TENM3: variants seen among roughly 807,000 people sequenced by gnomAD.
The protein encoded by TENM3 is teneurin transmembrane protein 3.
A neutral mutation model predicts 255.1 loss-of-function variants in TENM3; 63 were observed. The ratio of observed to expected loss-of-function variants is 0.25; its 90% confidence interval spans 0.20 to 0.30. The LOEUF (loss-of-function observed/expected upper bound fraction) is 0.30. Ranked by LOEUF, TENM3 falls within the 10% of genes least tolerant of loss-of-function variation. The pLI is 1.00. For synonymous variants in TENM3, 1,306 were observed against 1,322.3 expected (o/e 0.99, Z 0.27); for missense variants, 2,929 against 3,461.1 (o/e 0.85, Z 3.86).
intron 3 of TENM3, among the ~76,000 whole-genome samples, chr4:182,382,280 T>C (rs1421629715): frequency 6.6e-6 from 1 of 152,102 alleles, no homozygotes; most frequent in African/African-American, 2.4e-5. Flanking sequence ...GTGTCAGTAA[T>C]TTCTCTTGAT....
chr4:182,009,400 A>T, the TENM3 span, among the ~76,000 whole-genome samples: 1 of 151,650 alleles, frequency 6.6e-6, no homozygotes, highest in African/African-American at 2.4e-5. Context: ...GGGACATCCG[A>T]ATTCTGTCCC....
chr4:181,503,677 A>G, the TENM3 span, among the ~76,000 whole-genome samples: 2 of 152,120 alleles, frequency 1.3e-5, no homozygotes, highest in Middle Eastern at 3.2e-3. Context: ...CTAGTTCTCT[A>G]CCTGCTTTTA....
At chr4:181,553,925 G>A in the TENM3 span, among the ~76,000 whole-genome samples, 5 of 152,180 alleles carry the variant, frequency 3.3e-5, no homozygotes, top group East Asian at 9.7e-4. Context: ...CGCTCTCTGA[G>A]TTGACTACTT....
chr4:181,983,459 G>T, the TENM3 span, among the ~76,000 whole-genome samples: 1 of 152,192 alleles, frequency 6.6e-6, no homozygotes, highest in South Asian at 2.1e-4. Context: ...CACCTCTCAA[G>T]TGGTTATATT....
chr4:181,926,856 G>C, the TENM3 span, among the ~76,000 whole-genome samples: 1 of 151,730 alleles, frequency 6.6e-6, no homozygotes, highest in Non-Finnish European at 1.5e-5. Context: ...TGCAGACCAC[G>C]GAAGGCAAGC....
At chr4:182,203,526 T>C (rs991920079) in intron 1 of TENM3, among the ~76,000 whole-genome samples, 5 of 152,202 alleles carry the variant, frequency 3.3e-5, no homozygotes, top group African/African-American at 1.2e-4. Flanking sequence ...CAAAGGCAGT[T>C]GGGAGACTTG....
At chr4:182,230,265 C>A (rs1579815640) in intron 1 of TENM3, among the ~76,000 whole-genome samples, 1 of 152,182 alleles carries the variant, frequency 6.6e-6, no homozygotes, top group Non-Finnish European at 1.5e-5. Flanking sequence ...TCCCTGCACA[C>A]GTCTTCCACC....
At chr4:182,336,598 G>C (rs1764155941) in intron 2 of TENM3, among the ~76,000 whole-genome samples, 1 of 152,172 alleles carries the variant, frequency 6.6e-6, no homozygotes, top group South Asian at 2.1e-4. Flanking sequence ...GGTTGGAGAA[G>C]AAAAGCACCT....
chr4:182,343,146 T>C (rs1764591266), intron 2 of TENM3, among the ~76,000 whole-genome samples: 1 of 152,188 alleles, frequency 6.6e-6, no homozygotes, highest in African/African-American at 2.4e-5. Flanking sequence ...TTCTAGATTT[T>C]CACATTTATG....
chr4:182,031,411 A>C, the TENM3 span, among the ~76,000 whole-genome samples: 1 of 152,092 alleles, frequency 6.6e-6, no homozygotes, highest in Non-Finnish European at 1.5e-5. Context: ...CCTTTGGTCT[A>C]TGTATCTGTT....
rs1579353546 is a variant in TENM3 at position 182,754,285 on chromosome 4, C to A, written c.4018-100C>A. ...AAAACTATTATCAGACAGTTTATCT[C>A]AGATTAATGCCAATTTCCCTGAATG... On this transcript the variant is annotated intron_variant, in intron 21 of 27. Coordinates refer to ENST00000511685, the MANE Select transcript of TENM3 (RefSeq NM_001080477.4). This position sits in a 1 kb window ranked among gnomAD's most constrained non-coding sequence, Gnocchi z 5.1. The A allele has an allele frequency of 1.1e-5, 14 of 1,273,030 alleles. No homozygotes were observed. The South Asian group carries it at 1.8e-4, about 16-fold the overall frequency. 78.9% of individuals were successfully genotyped at this position (1,273,030 alleles called of 1,614,324 possible).
chr4:182,393,713 A>AT (rs1213079713), intron 3 of TENM3, among the ~76,000 whole-genome samples: 3 of 152,098 alleles, frequency 2.0e-5, no homozygotes, highest in Admixed American at 6.5e-5. Context: ...CCTGTTATGG[A>AT]TTTTTTTAGT....
the TENM3 span, among the ~76,000 whole-genome samples, chr4:181,517,035 T>C: frequency 5.9e-5 from 9 of 152,258 alleles, no homozygotes; most frequent in Admixed American, 3.9e-4. Context: ...GCCATTGTAA[T>C]GCCCCCTTAA....
At chr4:181,522,669 A>T in the TENM3 span, 1 of 624,598 alleles carries the variant, frequency 1.6e-6, no homozygotes, top group Non-Finnish European at 3.1e-6. Flanking sequence ...CAAAATGCAG[A>T]ATGATGTGGA....
the TENM3 span, among the ~76,000 whole-genome samples, chr4:181,690,158 G>A: frequency 2.6e-5 from 4 of 152,128 alleles, no homozygotes; most frequent in African/African-American, 7.2e-5. Context: ...TAAAATTCGG[G>A]GACTGATGTG....
In TENM3 at chr4:182,802,654, C is replaced by T. The variant is rs114178363; in HGVS notation, c.*2303C>T. 0.027 allele frequency: 4,158 copies of T among 152,628 alleles called. 106 individuals are homozygous for T. The highest frequency in any genetic ancestry group is 0.068 in the African/African-American group (2,831 of 41,512). The allele number at this position is 152,628 out of a possible 1,614,324, so 9.5% of individuals were successfully genotyped here. A position where few individuals can be genotyped will look rare whatever the true frequency, so the allele number is the denominator to read the frequency against. ...CTTATTTTAGATGATGAAGTCAAAT[C>T]AACCCAATTAGTGTCCTGTTAGTAG... On this transcript the variant is annotated 3_prime_UTR_variant, in exon 28 of 28. Transcript: ENST00000511685.
At chr4:182,292,166 T>C (rs1260227431) in intron 1 of TENM3, among the ~76,000 whole-genome samples, 1 of 152,152 alleles carries the variant, frequency 6.6e-6, no homozygotes, top group African/African-American at 2.4e-5. Context: ...AAAAATATGA[T>C]GCTATAAAGA....
chr4:182,472,147 G>A (rs1317953327), intron 3 of TENM3, among the ~76,000 whole-genome samples: 2 of 152,106 alleles, frequency 1.3e-5, no homozygotes, highest in Non-Finnish European at 2.9e-5. Context: ...CTGCCTAAAT[G>A]TAACTGTAAC....
the TENM3 span, among the ~76,000 whole-genome samples, chr4:181,809,265 T>C: frequency 1.3e-5 from 2 of 152,204 alleles, no homozygotes; most frequent in Admixed American, 6.5e-5. Flanking sequence ...TTTATTCAAA[T>C]TCAAAAAGGA....
Sources: allele counts gnomAD v4.1 joint callset (sites outside exome capture counted in the v4.1 genomes callset), GRCh38; gene constraint gnomAD v4.1.1; non-coding constraint Gnocchi (gnomAD v3.1); transcripts MANE v1.5; gene names NCBI Gene and HGNC (gene_info 2026-07-23, HGNC 2026-07-21).